The following ARPC4 variants were observed in gnomAD, a reference collection of about 807,000 sequenced individuals.
ARPC4 encodes actin related protein 2/3 complex subunit 4.
In ARPC4, 3 loss-of-function variants were observed where a neutral mutation model predicts 22.8. The ratio of observed to expected loss-of-function variants is 0.13; its 90% confidence interval spans 0.06 to 0.34. The LOEUF is 0.34. Ranked by LOEUF, ARPC4 falls within the 10% of genes least tolerant of loss-of-function variation. ARPC4 has a pLI of 1.00. For missense variants in ARPC4, 98 were observed against 211.0 expected (o/e 0.46, Z 3.32); for synonymous variants, 80 against 72.5 (o/e 1.10, Z -0.52).
chr3:9,796,409 A>G (rs1466448147), intron 1 of ARPC4, among the ~76,000 whole-genome samples: 1 of 152,234 alleles, frequency 6.6e-6, no homozygotes, highest in Non-Finnish European at 1.5e-5. Flanking sequence ...ATAAATATTA[A>G]GAAGACATGA....
At chr3:9,797,296 G>T (rs1335505319) in intron 1 of ARPC4, among the ~76,000 whole-genome samples, 1 of 152,164 alleles carries the variant, frequency 6.6e-6, no homozygotes, top group Non-Finnish European at 1.5e-5. Flanking sequence ...ATTCTTTGTA[G>T]TGCATTGTAG....
intron 1 of ARPC4, among the ~76,000 whole-genome samples, chr3:9,796,758 C>G (rs571573737): frequency 7.7e-4 from 117 of 151,888 alleles, no homozygotes; most frequent in East Asian, 3.3e-3. Flanking sequence ...TGGCTAACAC[C>G]GTGAAACCCT....
chr3:9,797,700 A>G lies in ARPC4; in HGVS notation c.45A>G (p.Thr15=), dbSNP rs769980578. 118 of 1,614,174 alleles carry G rather than the reference A, an allele frequency of 7.3e-5. No homozygotes were observed. The highest frequency in any genetic ancestry group is 9.8e-5 in the Non-Finnish European group (116 of 1,180,024). ...CCTACCTGAGTGCCGTGCGGGCCACATTGCAGGCTGCCCTCTGCCTGGAGA... is the reference window on the plus strand; with the variant it reads ...CCTACCTGAGTGCCGTGCGGGCCACGTTGCAGGCTGCCCTCTGCCTGGAGA... ...LRPYLSAVRA[T]LQAALCLENF... Residue 15 remains threonine, a synonymous_variant, in exon 2 of 6, where the codon ACA becomes ACG. Coordinates refer to ENST00000397261, the MANE Select transcript of ARPC4 (RefSeq NM_005718.5).
intron 2 of ARPC4, chr3:9,798,254 A>G (rs1359996404): frequency 6.6e-6 from 1 of 151,164 alleles, no homozygotes; most frequent in East Asian, 2.0e-4. Flanking sequence ...TCTCTTATCT[A>G]GTTTCCATTT....
upstream of ARPC4, chr3:9,792,666 C>T (rs2078768064): frequency 1.8e-5 from 22 of 1,230,818 alleles, no homozygotes; most frequent in South Asian, 3.6e-4. Flanking sequence ...GCCGAGATCT[C>T]CGCGCTGCAG....
upstream of ARPC4, chr3:9,793,071 C>T: frequency 2.6e-6 from 4 of 1,545,108 alleles, no homozygotes; most frequent in East Asian, 2.5e-5. Flanking sequence ...GCAGGCATCG[C>T]GGGGCTGGCC....
chr3:9,795,362 T>C (rs2078860772), intron 1 of ARPC4, among the ~76,000 whole-genome samples: 1 of 152,176 alleles, frequency 6.6e-6, no homozygotes, highest in Non-Finnish European at 1.5e-5. Flanking sequence ...TCTTTGCTTG[T>C]GATACAGTCT....
chr3:9,802,902 A>G (rs1389321660), intron 4 of ARPC4, among the ~76,000 whole-genome samples: 1 of 145,272 alleles, frequency 6.9e-6, no homozygotes, highest in African/African-American at 2.6e-5. Context: ...TCCTGACCTC[A>G]GGTGATCCGC....
In ARPC4 at chr3:9,806,234, G is replaced by T; in HGVS notation, c.*19G>T. The T allele has an allele frequency of 1.9e-6, 3 of 1,613,486 alleles. No individual in the cohort carries two copies. The highest frequency in any genetic ancestry group is 2.5e-6 in the Non-Finnish European group (3 of 1,179,404). On this transcript the variant is annotated 3_prime_UTR_variant, in exon 6 of 6. Transcript: ENST00000397261. ...GTTTTAAACCATCTGGCTGGATCTCGTGGCCTTCCCCCTCAGACTACCCAT... is the reference window on the plus strand; with the variant it reads ...GTTTTAAACCATCTGGCTGGATCTCTTGGCCTTCCCCCTCAGACTACCCAT...
rs1226267119 is a variant in ARPC4 at position 9,803,835 on chromosome 3, TTCC to T, written c.331-7_331-5del. 2 of 1,612,526 alleles carry T rather than the reference TTCC, an allele frequency of 1.2e-6. No homozygotes were observed. Among genetic ancestry groups the T allele is most frequent in the Non-Finnish European group, 8.5e-7 (1 of 1,178,776 alleles). Reference sequence around the variant, plus strand: ...TCTCTTCCCCCTCCCTACTGTCTTCTTCCCTAGGGGTATGATATCAGCTTTCTG... The same window carrying T: ...TCTCTTCCCCCTCCCTACTGTCTTCTCTAGGGGTATGATATCAGCTTTCTG... On this transcript the variant is annotated splice_polypyrimidine_tract_variant and splice_region_variant and intron_variant, in intron 4 of 5. Transcript: ENST00000397261.
At chr3:9,796,768 T>G (rs62245642) in intron 1 of ARPC4, among the ~76,000 whole-genome samples, 14 of 151,800 alleles carry the variant, frequency 9.2e-5, no homozygotes, top group South Asian at 6.3e-4. Flanking sequence ...CGTGAAACCC[T>G]GTCTCTACTA....
At position 9,806,209 on chromosome 3, in the gene ARPC4, GTT is replaced by G. The variant is rs1370896588; in HGVS notation, c.504_505del (p.Phe168LeufsTer42). 1 of 1,613,820 alleles carries G rather than the reference GTT, an allele frequency of 6.2e-7. No individual in the cohort carries two copies. Among genetic ancestry groups the G allele is most frequent in the African/African-American group, 1.3e-5 (1 of 74,924 alleles). ...RIVAEEFLKN[F>X] Reference sequence around the variant, plus strand: ...GCACTGCCTCTTGGTTCTCTTGACAGTTTTAAACCATCTGGCTGGATCTCGTG... The same window carrying G: ...GCACTGCCTCTTGGTTCTCTTGACAGTTAAACCATCTGGCTGGATCTCGTG... On this transcript the variant is annotated frameshift_variant and splice_region_variant, in exon 6 of 6. Transcript: ENST00000397261. LOFTEE classifies it high-confidence loss of function.
At chr3:9,795,940 A>G (rs1184705326) in intron 1 of ARPC4, among the ~76,000 whole-genome samples, 1 of 152,164 alleles carries the variant, frequency 6.6e-6, no homozygotes, top group East Asian at 1.9e-4. Flanking sequence ...TACTAAAAAT[A>G]CAAAAATTAA....
At chr3:9,804,803 T>G (rs867221112) in intron 5 of ARPC4, among the ~76,000 whole-genome samples, 2 of 152,210 alleles carry the variant, frequency 1.3e-5, no homozygotes, top group Admixed American at 6.5e-5. Flanking sequence ...TTAATTATAC[T>G]GAGGGTGGCC....
intron 2 of ARPC4, among the ~76,000 whole-genome samples, chr3:9,798,382 A>G (rs2078940183): frequency 6.6e-6 from 1 of 151,978 alleles, no homozygotes. Context: ...ACAGGAGTTC[A>G]AGACCAGCCT....
At chr3:9,795,075 G>A (rs776555590) in intron 1 of ARPC4, among the ~76,000 whole-genome samples, 1 of 151,858 alleles carries the variant, frequency 6.6e-6, no homozygotes, top group African/African-American at 2.4e-5. Context: ...GCGTGATCTC[G>A]GCTCACTGCA....
chr3:9,801,848 T>G, intron 4 of ARPC4, 92 bp downstream of exon 4: 2 of 1,245,420 alleles, frequency 1.6e-6, no homozygotes, highest in Non-Finnish European at 1.1e-6. Flanking sequence ...TCCAGCTGTT[T>G]GGCACCCACT....
chr3:9,803,995 T>C lies in ARPC4; in HGVS notation c.483T>C (p.Ala161=). Residue 161 remains alanine, a synonymous_variant, in exon 5 of 6, where the codon GCT becomes GCC. Coordinates refer to ENST00000397261, the MANE Select transcript of ARPC4 (RefSeq NM_005718.5). ...TCAATGCCCGTGCCCGCATTGTGGC[T>C]GAAGAGTTCCTTAAGAATGTGAGTA... ...LSVNARARIV[A]EEFLKNF is the part of the protein sequence containing the mutation. 3 of 1,614,200 alleles carry C rather than the reference T, an allele frequency of 1.9e-6. No homozygotes were observed. Among genetic ancestry groups the C allele is most frequent in the Non-Finnish European group, 2.5e-6 (3 of 1,180,040 alleles).
At chr3:9,792,771 GCTTGTCCT>G (rs1401781523), upstream of ARPC4, 6 of 1,249,332 alleles carry the variant, frequency 4.8e-6, no homozygotes, top group Admixed American at 2.5e-4. Flanking sequence ...GTCCGCTTCG[GCTTGTCCT>G]AATTTGGTGC....
Sources: allele counts gnomAD v4.1 joint callset (sites outside exome capture counted in the v4.1 genomes callset), GRCh38; gene constraint gnomAD v4.1.1; transcripts MANE v1.5; gene names NCBI Gene and HGNC (gene_info 2026-07-23, HGNC 2026-07-21).